Variants in LRRTM3 observed in about 807,000 individuals in gnomAD.
LRRTM3 encodes leucine rich repeat transmembrane neuronal 3, also known as leucine-rich repeat transmembrane neuronal protein 3.
LRRTM3 carries 24 observed loss-of-function variants against 44.7 expected under a neutral mutation model. The ratio of observed to expected loss-of-function variants is 0.54; its 90% confidence interval spans 0.39 to 0.76. The LOEUF is 0.76. LRRTM3 is among the 30% of genes least tolerant of loss of function. LRRTM3 has a pLI of 0.00. For synonymous variants in LRRTM3, 277 were observed against 278.7 expected (o/e 0.99, Z 0.06); for missense variants, 587 against 702.2 (o/e 0.84, Z 1.85).
chr10:66,992,562 T>A (rs1462339779), intron 2 of LRRTM3, among the ~76,000 whole-genome samples: 1 of 152,102 alleles, frequency 6.6e-6, no homozygotes, highest in Non-Finnish European at 1.5e-5. Context: ...CAACAGAAAT[T>A]TAAATTCTAA....
chr10:66,931,054 T>C (rs16923788), intron 2 of LRRTM3, among the ~76,000 whole-genome samples: 2,064 of 152,280 alleles, frequency 0.014, 45 homozygotes, highest in African/African-American at 0.047. Context: ...CATCCCATGG[T>C]ACTTTCTGGA....
At chr10:67,010,521 T>C (rs1165942498) in intron 2 of LRRTM3, among the ~76,000 whole-genome samples, 1 of 152,302 alleles carries the variant, frequency 6.6e-6, no homozygotes, top group South Asian at 2.1e-4. Context: ...CCTGTAGGTA[T>C]TAGATCTGTG....
At chr10:67,016,483 AG>A (rs1332442534) in intron 2 of LRRTM3, among the ~76,000 whole-genome samples, 1 of 152,176 alleles carries the variant, frequency 6.6e-6, no homozygotes, top group Admixed American at 6.5e-5. Flanking sequence ...CTGGGCTGAA[AG>A]ACAAAGTGGT....
intron 2 of LRRTM3, among the ~76,000 whole-genome samples, chr10:67,001,325 G>GAA: frequency 6.7e-6 from 1 of 149,552 alleles, no homozygotes; most frequent in Non-Finnish European, 1.5e-5. Flanking sequence ...AAAAAAAAGA[G>GAA]AAAAAAATTA....
At chr10:67,093,764 A>G (rs1857806581) in intron 2 of LRRTM3, among the ~76,000 whole-genome samples, 1 of 152,006 alleles carries the variant, frequency 6.6e-6, no homozygotes, top group South Asian at 2.1e-4. Context: ...TGCAGATTTT[A>G]ATTTCTTATC....
chr10:67,008,946 A>C (rs570132302), intron 2 of LRRTM3, among the ~76,000 whole-genome samples: 1 of 152,160 alleles, frequency 6.6e-6, no homozygotes, highest in Non-Finnish European at 1.5e-5. Context: ...TTATATTTAA[A>C]AGATAACTTG....
At chr10:66,944,055 A>T (rs1848157547) in intron 2 of LRRTM3, among the ~76,000 whole-genome samples, 1 of 152,054 alleles carries the variant, frequency 6.6e-6, no homozygotes, top group Non-Finnish European at 1.5e-5. Flanking sequence ...TAAGATAACA[A>T]GGATGTCTGC....
chr10:66,974,912 G>A (rs987419946), intron 2 of LRRTM3, among the ~76,000 whole-genome samples: 44 of 151,244 alleles, frequency 2.9e-4, no homozygotes, highest in Non-Finnish European at 6.2e-4. Flanking sequence ...TTTTTTTAAG[G>A]AGAAAAAAGT....
At chr10:66,944,397 T>C (rs911681172) in intron 2 of LRRTM3, among the ~76,000 whole-genome samples, 11 of 152,104 alleles carry the variant, frequency 7.2e-5, no homozygotes, top group Admixed American at 2.0e-4. Flanking sequence ...TAATTCTAGT[T>C]CCCCGCTATT....
chr10:67,000,258 A>G (rs1851601329), intron 2 of LRRTM3, among the ~76,000 whole-genome samples: 2 of 152,204 alleles, frequency 1.3e-5, no homozygotes, highest in Admixed American at 1.3e-4. Flanking sequence ...AACCATTTGG[A>G]ATAGATTTCT....
chr10:66,984,314 T>C (rs1410443118), intron 2 of LRRTM3, among the ~76,000 whole-genome samples: 2 of 152,170 alleles, frequency 1.3e-5, no homozygotes, highest in African/African-American at 4.8e-5. Flanking sequence ...ACTAAGAGAA[T>C]ACCAAACATT....
intron 2 of LRRTM3, among the ~76,000 whole-genome samples, chr10:66,929,774 T>C (rs150292917): frequency 1.3e-5 from 2 of 152,322 alleles, no homozygotes; most frequent in African/African-American, 2.4e-5. Context: ...TTTTATGTCA[T>C]TGGTGAAAGT....
intron 2 of LRRTM3, among the ~76,000 whole-genome samples, chr10:66,944,195 A>G (rs1242723089): frequency 6.6e-6 from 1 of 152,352 alleles, no homozygotes; most frequent in Middle Eastern, 3.4e-3. Flanking sequence ...GCTTCATCAA[A>G]TAAGTTTATA....
chr10:66,954,627 G>A (rs1425812032), intron 2 of LRRTM3, among the ~76,000 whole-genome samples: 1 of 152,080 alleles, frequency 6.6e-6, no homozygotes, highest in Non-Finnish European at 1.5e-5. Flanking sequence ...GGAAAATGAG[G>A]TTTAAAGTCC....
intron 2 of LRRTM3, among the ~76,000 whole-genome samples, chr10:67,014,366 C>T (rs1425227284): frequency 1.3e-5 from 2 of 152,152 alleles, no homozygotes; most frequent in Non-Finnish European, 2.9e-5. Context: ...CTTTAATTAA[C>T]TACTGTATAC....
At chr10:66,995,946 C>T (rs994237820) in intron 2 of LRRTM3, among the ~76,000 whole-genome samples, 1 of 152,198 alleles carries the variant, frequency 6.6e-6, no homozygotes, top group Non-Finnish European at 1.5e-5. Context: ...TGGTTTATTA[C>T]ATTATTGTAT....
intron 2 of LRRTM3, among the ~76,000 whole-genome samples, chr10:67,036,891 AAT>A (rs1241794480): frequency 2.0e-5 from 3 of 152,324 alleles, no homozygotes; most frequent in Admixed American, 6.5e-5. Context: ...TGTGAAAAAA[AAT>A]AATAATGCAT....
At chr10:66,981,450 C>T (rs1252640850) in intron 2 of LRRTM3, among the ~76,000 whole-genome samples, 1 of 152,174 alleles carries the variant, frequency 6.6e-6, no homozygotes, top group African/African-American at 2.4e-5. Flanking sequence ...ACTTACCCAT[C>T]CCCATTTCCA....
intron 2 of LRRTM3, among the ~76,000 whole-genome samples, chr10:66,987,144 G>T (rs1242879300): frequency 1.3e-5 from 2 of 152,168 alleles, no homozygotes; most frequent in African/African-American, 2.4e-5. Context: ...AGCCACGTGC[G>T]TAGGTTTTGA....
Sources: allele counts gnomAD v4.1 joint callset (sites outside exome capture counted in the v4.1 genomes callset), GRCh38; gene constraint gnomAD v4.1.1; transcripts MANE v1.5; gene names NCBI Gene and HGNC (gene_info 2026-07-23, HGNC 2026-07-21).